The following MFHAS1 variants were observed in gnomAD, a reference collection of about 807,000 sequenced individuals.
MFHAS1 encodes the protein malignant fibrous histiocytoma-amplified sequence 1.
A neutral mutation model predicts 70.4 loss-of-function variants in MFHAS1; 50 were observed. That is an observed-to-expected ratio of 0.71 (90% CI 0.57 to 0.90). The LOEUF is 0.90. Ranked by LOEUF, MFHAS1 falls within the 40% of genes least tolerant of loss-of-function variation. The pLI is 0.00. For synonymous variants in MFHAS1, 952 were observed against 620.0 expected (o/e 1.54, Z -7.96); for missense variants, 1,795 against 1,347.6 (o/e 1.33, Z -5.20).
chr8:8,859,771 G>A (rs73525771), intron 1 of MFHAS1, among the ~76,000 whole-genome samples: 11,351 of 152,204 alleles, frequency 0.075, 1,330 homozygotes, highest in African/African-American at 0.25. Context: ...AATGCTATCA[G>A]TAAGACTTCC....
At chr8:8,808,204 C>T (rs1023499917) in intron 1 of MFHAS1, among the ~76,000 whole-genome samples, 3 of 150,996 alleles carry the variant, frequency 2.0e-5, no homozygotes, top group Non-Finnish European at 4.4e-5. Flanking sequence ...CCAGTGCCCC[C>T]ACACTGTAGA....
chr8:8,844,616 T>C (rs1378655225), intron 1 of MFHAS1, among the ~76,000 whole-genome samples: 1 of 152,200 alleles, frequency 6.6e-6, no homozygotes, highest in Non-Finnish European at 1.5e-5. Context: ...CTCCGCAAGG[T>C]CAGCTCTCTG....
At chr8:8,838,103 T>G (rs574518971) in intron 1 of MFHAS1, among the ~76,000 whole-genome samples, 2 of 152,364 alleles carry the variant, frequency 1.3e-5, no homozygotes, top group South Asian at 4.1e-4. Flanking sequence ...TACTGACCTG[T>G]GCAACACCTC....
chr8:8,849,064 C>T (rs1414963658), intron 1 of MFHAS1, among the ~76,000 whole-genome samples: 13 of 75,772 alleles, frequency 1.7e-4, no homozygotes, highest in African/African-American at 2.4e-4. Context: ...TCCTTTTTAC[C>T]TTTTTTTTTT....
rs1805471599 is a variant in MFHAS1 at position 8,784,627 on chromosome 8, A to G, written c.*1395T>C. 6.6e-6 allele frequency: 1 copy of G among 152,220 alleles called. No individual in the cohort carries two copies. Among genetic ancestry groups the G allele is most frequent in the Non-Finnish European group, 1.5e-5 (1 of 68,040 alleles). 9.4% of individuals were successfully genotyped at this position (152,220 alleles called of 1,614,324 possible). On this transcript the variant is annotated 3_prime_UTR_variant, in exon 3 of 3. Transcript: ENST00000276282. The stretch of plus-strand genomic sequence containing the variant: ...TGTATACTGTAGCCTTCCAAGAGTC[A>G]ATACTTTACAAAAGAAGTAAAAGAG...
In MFHAS1 at chr8:8,785,999, T is replaced by A. The variant is rs778673952; in HGVS notation, c.*23A>T. On this transcript the variant is annotated 3_prime_UTR_variant, in exon 3 of 3. Coordinates refer to ENST00000276282, the MANE Select transcript of MFHAS1 (RefSeq NM_004225.3). ...GTGTTCAGATGCTCTCTTTTCTCCA[T>A]GGAAATTCCACAGCCACAAACGTCA... is the stretch of plus-strand genomic sequence containing the variant. The A allele has an allele frequency of 6.2e-6, 10 of 1,613,680 alleles. No individual in the cohort carries two copies. In the East Asian group the frequency reaches 6.7e-5, roughly 11 times the overall value.
At chr8:8,862,779 G>A (rs1389689398) in intron 1 of MFHAS1, among the ~76,000 whole-genome samples, 1 of 152,158 alleles carries the variant, frequency 6.6e-6, no homozygotes, top group Non-Finnish European at 1.5e-5. Flanking sequence ...GTCCCACTGT[G>A]GTTGGGGATG....
intron 1 of MFHAS1, among the ~76,000 whole-genome samples, chr8:8,830,789 A>G (rs964496200): frequency 2.6e-5 from 4 of 152,022 alleles, no homozygotes; most frequent in Non-Finnish European, 4.4e-5. Context: ...GTAGAGGCGG[A>G]GTTTTGCCAT....
chr8:8,892,959 G>C lies in MFHAS1; in HGVS notation c.100C>G (p.Leu34Val), dbSNP rs1319239095. 2.6e-6 allele frequency: 4 copies of C among 1,543,148 alleles called. No individual in the cohort carries two copies. The highest frequency in any genetic ancestry group is 2.6e-6 in the Non-Finnish European group (3 of 1,146,918). The change falls in exon 1 of 3, where the codon CTT (leucine) becomes GTT (valine). Residue 34 changes from leucine (L) to valine (V), a missense_variant. Transcript: ENST00000276282. This position sits in a 1 kb window ranked among gnomAD's most constrained non-coding sequence, Gnocchi z 4.7. ...KLRSNLRQLT[L>V]TAAGACPGAG... ...CCGGGGCAGGCCCCGGCGGCGGTAA[G>C]CGTGAGCTGGCGCAGGTTGCTCCGC...
chr8:8,814,563 A>T (rs1361684758), intron 1 of MFHAS1, among the ~76,000 whole-genome samples: 1 of 152,270 alleles, frequency 6.6e-6, no homozygotes, highest in Non-Finnish European at 1.5e-5. Context: ...AAGTTAAAAA[A>T]GTTAAGCTCT....
At chr8:8,854,595 G>C (rs1192358672) in intron 1 of MFHAS1, among the ~76,000 whole-genome samples, 1 of 150,994 alleles carries the variant, frequency 6.6e-6, no homozygotes, top group Non-Finnish European at 1.5e-5. Context: ...CGAGGTATGA[G>C]AATTGCTTGA....
intron 2 of MFHAS1, 145 bp downstream of exon 2, chr8:8,797,220 T>C: frequency 1.2e-6 from 1 of 802,170 alleles, no homozygotes; most frequent in Non-Finnish European, 1.8e-6. Context: ...ATCATGATGC[T>C]GATGTCATCC....
chr8:8,880,690 T>G (rs1474447944), intron 1 of MFHAS1, among the ~76,000 whole-genome samples: 4 of 145,126 alleles, frequency 2.8e-5, no homozygotes, highest in Admixed American at 7.0e-5. Context: ...TTTTGTTTTT[T>G]TTTTTTTTCC....
intron 1 of MFHAS1, among the ~76,000 whole-genome samples, chr8:8,857,290 C>T (rs1296431820): frequency 1.3e-5 from 2 of 152,172 alleles, no homozygotes; most frequent in African/African-American, 4.8e-5. Flanking sequence ...ACCAACACAG[C>T]ACAAGTTTGC....
At chr8:8,805,933 C>G (rs1806273176) in intron 1 of MFHAS1, among the ~76,000 whole-genome samples, 1 of 152,000 alleles carries the variant, frequency 6.6e-6, no homozygotes, top group Non-Finnish European at 1.5e-5. Flanking sequence ...CCTGTGACCT[C>G]AGGTGACCCG....
chr8:8,839,249 T>C (rs1472809917), intron 1 of MFHAS1, among the ~76,000 whole-genome samples: 3 of 151,606 alleles, frequency 2.0e-5, no homozygotes, highest in Admixed American at 2.0e-4. Flanking sequence ...AAAAATAAAG[T>C]TTTTTTTTCT....
rs1276993346 is a variant in MFHAS1 at position 8,834,194 on chromosome 8, G to T, written c.2999-36703C>A. On this transcript the variant is annotated intron_variant, in intron 1 of 2. Coordinates refer to ENST00000276282, the MANE Select transcript of MFHAS1 (RefSeq NM_004225.3). ...CAGGAACAGACTACTGTCACATGCA[G>T]CATAATGACATTTTATACTATGGTG... is the stretch of plus-strand genomic sequence containing the variant. Among the ~76,000 whole-genome samples the T allele has an allele frequency of 2.0e-5, 3 of 152,096 alleles. No individual in the cohort carries two copies. The East Asian group carries it at 5.8e-4, about 29-fold the overall frequency.
chr8:8,892,020 G>T lies in MFHAS1; in HGVS notation c.1039C>A (p.Leu347Ile). Reference protein sequence around the residue: ...SIVELTGLEELVLQGNQIAVL... With the variant: ...SIVELTGLEEIVLQGNQIAVL... ...GCGATCTGGTTCCCCTGCAGCACGA[G>T]CTCCTCCAGGCCGGTCAGCTCCACG... The change falls in exon 1 of 3, where the codon CTC (leucine) becomes ATC (isoleucine). Residue 347 changes from leucine (L) to isoleucine (I), a missense_variant. Transcript: ENST00000276282. This position sits in a 1 kb window ranked among gnomAD's most constrained non-coding sequence, Gnocchi z 4.7. 6.2e-7 allele frequency: 1 copy of T among 1,613,580 alleles called. No individual in the cohort carries two copies. The highest frequency in any genetic ancestry group is 8.5e-7 in the Non-Finnish European group (1 of 1,180,020).
intron 1 of MFHAS1, among the ~76,000 whole-genome samples, chr8:8,802,103 C>T (rs17698256): frequency 0.14 from 20,817 of 152,138 alleles, 1,879 homozygotes; most frequent in Non-Finnish European, 0.2. Context: ...ATTGAGCGAG[C>T]ACTTTTTACT....
Sources: gnomAD v4.1 joint callset for allele counts (sites outside exome capture counted in the v4.1 genomes callset) on GRCh38, gnomAD v4.1.1 for gene constraint, Gnocchi (gnomAD v3.1) non-coding constraint, MANE v1.5 for transcripts, NCBI Gene and HGNC (gene_info 2026-07-23, HGNC 2026-07-21) for gene names.